The following CEP126 variants were observed in gnomAD, a reference collection of about 807,000 sequenced individuals.
CEP126 encodes centrosomal protein 126.
In CEP126, 74 loss-of-function variants were observed where a neutral mutation model predicts 107.8. That is an observed-to-expected ratio of 0.69 (90% CI 0.57 to 0.83). CEP126 has a LOEUF of 0.83. CEP126 is among the 40% of genes least tolerant of loss of function. The pLI is 0.00. For missense variants in CEP126, 1,237 were observed against 1,281.9 expected, an observed-to-expected ratio of 0.96 and a Z score of 0.53; for synonymous variants, 449 against 446.0, an observed-to-expected ratio of 1.01 and a Z score of -0.08.
chr11:101,978,520 G>A, intron 7 of CEP126, 61 bp downstream of exon 7: 1 of 1,025,540 alleles, frequency 9.8e-7, no homozygotes, highest in Admixed American at 1.9e-5. Context: ...GAAAACAGAG[G>A]TTCTTAAAGG....
At chr11:101,964,467 C>CTACAAAAA (rs1172776373) in intron 6 of CEP126, among the ~76,000 whole-genome samples, 2 of 151,826 alleles carry the variant, frequency 1.3e-5, no homozygotes, top group African/African-American at 4.8e-5. Context: ...AACCCTGTCT[C>CTACAAAAA]TACAAAAATA....
At chr11:101,978,088 C>T (rs1361681672) in intron 6 of CEP126, among the ~76,000 whole-genome samples, 1 of 152,184 alleles carries the variant, frequency 6.6e-6, no homozygotes, top group Non-Finnish European at 1.5e-5. Context: ...CTTACACAAT[C>T]TTCTGGTGTT....
intron 5 of CEP126, 28 bp downstream of exon 5, chr11:101,958,394 A>G (rs1940928877): frequency 6.3e-7 from 1 of 1,589,158 alleles, no homozygotes; most frequent in Non-Finnish European, 8.6e-7. Context: ...TGTTGTTAAT[A>G]TTTTAATTCC....
chr11:101,956,376 T>C (rs1332861185), intron 4 of CEP126: 4 of 456,386 alleles, frequency 8.8e-6, no homozygotes, highest in Non-Finnish European at 1.8e-5. Context: ...GTCACTCCGT[T>C]GCCTGCACAT....
chr11:101,946,369 A>G (rs1475159800), intron 3 of CEP126, among the ~76,000 whole-genome samples: 1 of 152,104 alleles, frequency 6.6e-6, no homozygotes, highest in Admixed American at 6.5e-5. Context: ...TTAGCCAGGC[A>G]TGGTAGTTCA....
chr11:101,962,749 G>A lies in CEP126; in HGVS notation c.1714G>A (p.Val572Met), dbSNP rs769335625. The A allele has an allele frequency of 3.7e-6, 6 of 1,609,600 alleles. No homozygotes were observed. In the East Asian group the frequency reaches 1.3e-4, roughly 36 times the overall value. ...MKYNIHERNGVRFLKSILKKE... is the reference protein window; with the variant it reads ...MKYNIHERNGMRFLKSILKKE... ...ATACAACATCCATGAGAGAAATGGT[G>A]TGAGATTTCTTAAAAGTATTTTAAA... Residue 572 changes from valine (V) to methionine (M), a missense_variant, in exon 6 of 11, where the codon GTG becomes ATG. By Grantham distance (21) the Val-to-Met change is conservative. Coordinates refer to ENST00000263468, the MANE Select transcript of CEP126 (RefSeq NM_020802.4).
chr11:101,926,439 C>T (rs1940413236), intron 2 of CEP126, among the ~76,000 whole-genome samples: 1 of 152,104 alleles, frequency 6.6e-6, no homozygotes, highest in South Asian at 2.1e-4. Flanking sequence ...TGATAGTACA[C>T]GTTATGAAAT....
At position 101,958,374 on chromosome 11, in the gene CEP126, A is replaced by G. The variant is rs778286614; in HGVS notation, c.705+8A>G. The G allele has an allele frequency of 6.2e-7, 1 of 1,609,254 alleles. No individual in the cohort carries two copies. Among genetic ancestry groups the G allele is most frequent in the Non-Finnish European group, 8.5e-7 (1 of 1,176,824 alleles). ...CATCTAAGCAATTTGCAAGTATGAA[A>G]CTATAAAAATGTTGTTAATATTTTA... On this transcript the variant is annotated splice_region_variant and intron_variant, in intron 5 of 10. Coordinates refer to ENST00000263468, the MANE Select transcript of CEP126 (RefSeq NM_020802.4).
Position 101,961,801 on chromosome 11 carries a change from C to T in CEP126, c.766C>T (p.Leu256Phe). ...NSETLSSIDS[L>F]EATEHEEIYL... ...TGAAACCCTCTCAAGTATAGACAGTCTTGAGGCTACAGAGCATGAAGAAAT... is the reference window on the plus strand; with the variant it reads ...TGAAACCCTCTCAAGTATAGACAGTTTTGAGGCTACAGAGCATGAAGAAAT... Residue 256 changes from leucine (L) to phenylalanine (F), a missense_variant, in exon 6 of 11, where the codon CTT (leucine) becomes TTT (phenylalanine). Coordinates refer to ENST00000263468, the MANE Select transcript of CEP126 (RefSeq NM_020802.4). 6.2e-7 allele frequency: 1 copy of T among 1,604,186 alleles called. No homozygotes were observed. The highest frequency in any genetic ancestry group is 8.5e-7 in the Non-Finnish European group (1 of 1,176,250).
intron 4 of CEP126, among the ~76,000 whole-genome samples, chr11:101,954,529 A>G (rs1253217237): frequency 2.0e-5 from 3 of 152,172 alleles, no homozygotes; most frequent in Non-Finnish European, 2.9e-5. Context: ...TGTTTTATAG[A>G]AATGATCTTC....
chr11:101,930,639 A>G (rs975455070), intron 2 of CEP126, among the ~76,000 whole-genome samples: 1 of 152,172 alleles, frequency 6.6e-6, no homozygotes, highest in African/African-American at 2.4e-5. Context: ...GGCCCTGCCC[A>G]TGTCCTGCTG....
chr11:101,919,940 T>C (rs1441928), intron 1 of CEP126, among the ~76,000 whole-genome samples: 81,968 of 151,984 alleles, frequency 0.54, 22,742 homozygotes, highest in East Asian at 0.78. Flanking sequence ...CTAGACATCT[T>C]GTTGAAGTCT....
intron 1 of CEP126, among the ~76,000 whole-genome samples, chr11:101,921,500 A>G (rs955615215): frequency 1.6e-4 from 24 of 151,984 alleles, no homozygotes; most frequent in Admixed American, 6.5e-5. Context: ...TGAGGTTAGG[A>G]GTTCGAGACC....
chr11:101,947,997 A>G (rs11225080), intron 3 of CEP126, 34 bp from the exon 4 acceptor site: 502,323 of 1,209,152 alleles, frequency 0.42, 106,979 homozygotes, highest in East Asian at 0.53. Flanking sequence ...AGATAAAGTG[A>G]TTCTGTACTG....
intron 1 of CEP126, among the ~76,000 whole-genome samples, chr11:101,921,103 A>G (rs1232281073): frequency 3.9e-5 from 6 of 152,230 alleles, no homozygotes; most frequent in African/African-American, 9.6e-5. Flanking sequence ...TGAATAGATG[A>G]TTAGGATAAC....
At position 101,963,710 on chromosome 11, in the gene CEP126, C is replaced by T. The variant is rs1425259878; in HGVS notation, c.2675C>T (p.Ser892Leu). ...CAAACTTTCGCAAAAATAAATCATT[C>T]AAATGGCACTCAAGCAGTTGCCCGG... ...ECQTFAKINH[S>L]NGTQAVARQD... The change falls in exon 6 of 11, where the codon TCA (serine) becomes TTA (leucine). Residue 892 changes from serine to leucine, a missense_variant. Physicochemically the swap from Ser to Leu is moderately radical, Grantham distance 145 (BLOSUM62 -2). Coordinates refer to ENST00000263468, the MANE Select transcript of CEP126 (RefSeq NM_020802.4). The T allele has an allele frequency of 4.3e-6, 7 of 1,614,030 alleles. No homozygotes were observed. Among genetic ancestry groups the T allele is most frequent in the Non-Finnish European group, 5.9e-6 (7 of 1,180,022 alleles).
chr11:101,962,626 C>G lies in CEP126; in HGVS notation c.1591C>G (p.Pro531Ala), dbSNP rs751289534. The G allele has an allele frequency of 8.1e-6, 13 of 1,613,128 alleles. No individual in the cohort carries two copies. Residue 531 changes from proline to alanine, a missense_variant, in exon 6 of 11, where the codon CCT becomes GCT. By Grantham distance (27) the Pro-to-Ala change is conservative. Around this residue, in one of 3 missense-constraint regions of CEP126, gnomAD observed 1,134 missense variants for 1,150.5 expected, o/e 0.99. Coordinates refer to ENST00000263468, the MANE Select transcript of CEP126 (RefSeq NM_020802.4). ...TCAAGATGCCTATATACCTCACAAT[C>G]CTGATTCAAAAGATGAAAAACAAAA... is the stretch of plus-strand genomic sequence containing the variant. ...SFQDAYIPHN[P>A]DSKDEKQKLA...
chr11:101,951,772 G>A (rs977865351), intron 4 of CEP126, among the ~76,000 whole-genome samples: 2 of 152,178 alleles, frequency 1.3e-5, no homozygotes, highest in Admixed American at 6.5e-5. Flanking sequence ...CTTCTGAATT[G>A]AGGGGATAAA....
chr11:101,996,649 A>G (rs1941445267), intron 10 of CEP126, among the ~76,000 whole-genome samples: 1 of 152,240 alleles, frequency 6.6e-6, no homozygotes, highest in Non-Finnish European at 1.5e-5. Context: ...GGAAATGAAC[A>G]ACATTCTGAG....
Sources: allele counts gnomAD v4.1 joint callset (sites outside exome capture counted in the v4.1 genomes callset), GRCh38; gene constraint gnomAD v4.1.1; regional missense constraint gnomAD v4.1.1; transcripts MANE v1.5; gene names NCBI Gene and HGNC (gene_info 2026-07-23, HGNC 2026-07-21).